Variants in ADAMTS2 observed in about 807,000 individuals in gnomAD.
ADAMTS2 encodes the protein ADAM metallopeptidase with thrombospondin type 1 motif 2.
A neutral mutation model predicts 123.0 loss-of-function variants in ADAMTS2; 50 were observed. The observed-to-expected ratio is 0.41, with a 90% CI of 0.32 to 0.51. The LOEUF is 0.51. Among genes scored for constraint, ADAMTS2 ranks in the 20% least tolerant of loss-of-function variants. The pLI, the probability that ADAMTS2 is intolerant of heterozygous loss-of-function variation, is 0.35. For missense variants in ADAMTS2, 1,494 were observed against 1,705.2 expected (o/e 0.88, Z 2.18); for synonymous variants, 678 against 695.4 (o/e 0.98, Z 0.39).
At chr5:179,114,471 G>A in intron 21 of ADAMTS2, 147 bp from the exon 22 acceptor site, 1 of 807,504 alleles carries the variant, frequency 1.2e-6, no homozygotes. Context: ...GTCTGTGTGG[G>A]TTCAGTGTCA....
At chr5:179,192,910 A>C (rs1315777027) in intron 4 of ADAMTS2, among the ~76,000 whole-genome samples, 2 of 151,806 alleles carry the variant, frequency 1.3e-5, no homozygotes, top group East Asian at 1.9e-4. Flanking sequence ...GGTGCTCAGT[A>C]CTCCCGTGTT....
intron 2 of ADAMTS2, among the ~76,000 whole-genome samples, chr5:179,331,913 A>G (rs1757495122): frequency 6.6e-6 from 1 of 152,200 alleles, no homozygotes; most frequent in African/African-American, 2.4e-5. Flanking sequence ...GCTCATGCCA[A>G]CTACCTGGGG....
At chr5:179,119,033 G>T (rs1762708408) in intron 21 of ADAMTS2, among the ~76,000 whole-genome samples, 1 of 152,206 alleles carries the variant, frequency 6.6e-6, no homozygotes, top group Admixed American at 6.5e-5. Flanking sequence ...TCATGCAGCT[G>T]GTTAAAAAAG....
Position 179,158,987 on chromosome 5 carries a change from C to T in ADAMTS2, c.976-108G>A. On this transcript the variant is annotated intron_variant, in intron 5 of 21. Transcript: ENST00000251582. This position sits in a 1 kb window ranked among gnomAD's most constrained non-coding sequence, Gnocchi z 5.0. ...AGACCCCATCCACTGGGAATCTGTTCCAGGTGGTACAAAGGCCCTGCCCGG... is the reference window on the plus strand; with the variant it reads ...AGACCCCATCCACTGGGAATCTGTTTCAGGTGGTACAAAGGCCCTGCCCGG... 1.4e-6 allele frequency: 2 copies of T among 1,417,660 alleles called. No homozygotes were observed. The highest frequency in any genetic ancestry group is 1.9e-6 in the Non-Finnish European group (2 of 1,042,166). 87.8% of individuals were successfully genotyped at this position (1,417,660 alleles called of 1,614,324 possible).
rs1004806902 is a variant in ADAMTS2 at position 179,269,402 on chromosome 5, G to A, written c.688+3509C>T. Among the ~76,000 whole-genome samples, 7 of 115,336 alleles carry A rather than the reference G, an allele frequency of 6.1e-5. No homozygotes were observed. In the South Asian group the frequency reaches 7.8e-4, roughly 13 times the overall value. 75.7% of individuals were successfully genotyped at this position (115,336 alleles called of 152,430 possible). On this transcript the variant is annotated intron_variant, in intron 3 of 21. Transcript: ENST00000251582. ...GGACTTACAGTTCCACATGGCTGGG[G>A]AGGCCTCACAATCATGGCAGAAGAT...
chr5:179,203,951 C>T (rs1167510493), intron 4 of ADAMTS2, among the ~76,000 whole-genome samples: 2 of 152,202 alleles, frequency 1.3e-5, no homozygotes, highest in Non-Finnish European at 2.9e-5. Flanking sequence ...ACCGGAGTGC[C>T]CATGGATGGC....
chr5:179,214,666 C>T (rs987862320), intron 3 of ADAMTS2, among the ~76,000 whole-genome samples: 6 of 152,156 alleles, frequency 3.9e-5, no homozygotes, highest in Admixed American at 6.5e-5. Flanking sequence ...GAATGTTCAA[C>T]GACTACACAA....
At chr5:179,207,868 G>A (rs1764743108) in intron 3 of ADAMTS2, among the ~76,000 whole-genome samples, 153 bp from the exon 4 acceptor site, 1 of 152,210 alleles carries the variant, frequency 6.6e-6, no homozygotes, top group Non-Finnish European at 1.5e-5. Context: ...AGGTGCAGAG[G>A]AAGATGGCAG....
chr5:179,246,645 A>G (rs2113461565), intron 3 of ADAMTS2, among the ~76,000 whole-genome samples: 1 of 152,312 alleles, frequency 6.6e-6, no homozygotes, highest in South Asian at 2.1e-4. Flanking sequence ...GGTCTGTACA[A>G]GTAGGAAGTG....
rs1447546613 is a variant in ADAMTS2 at position 179,272,864 on chromosome 5, G to A, written c.688+47C>T. On this transcript the variant is annotated intron_variant, in intron 3 of 21. Coordinates refer to ENST00000251582, the MANE Select transcript of ADAMTS2 (RefSeq NM_014244.5). This position sits in a 1 kb window ranked among gnomAD's most constrained non-coding sequence, Gnocchi z 5.8. ...CTGGGATGCTCCCCTGGGGACCAGG[G>A]CCTCAGAGGGCTCTCCACACAGCCT... The A allele has an allele frequency of 6.3e-7, 1 of 1,591,864 alleles. No homozygotes were observed. Among genetic ancestry groups the A allele is most frequent in the Non-Finnish European group, 8.5e-7 (1 of 1,173,452 alleles).
chr5:179,267,271 C>T (rs1766399920), intron 3 of ADAMTS2, among the ~76,000 whole-genome samples: 1 of 152,212 alleles, frequency 6.6e-6, no homozygotes, highest in Non-Finnish European at 1.5e-5. Flanking sequence ...AGGTGGCAGC[C>T]ACGCTCAGCC....
intron 10 of ADAMTS2, among the ~76,000 whole-genome samples, chr5:179,149,359 C>A (rs1279271569): frequency 6.6e-6 from 1 of 152,238 alleles, no homozygotes. Context: ...GGCTTCCCAG[C>A]CTCCAGGACT....
intron 13 of ADAMTS2, among the ~76,000 whole-genome samples, chr5:179,134,806 CCCGG>C (rs1763026971): frequency 7.9e-6 from 1 of 126,908 alleles, no homozygotes; most frequent in Non-Finnish European, 1.7e-5. Context: ...GCCCCCAGCT[CCCGG>C]CTCCAGCCCC....
intron 2 of ADAMTS2, among the ~76,000 whole-genome samples, chr5:179,316,785 T>C (rs1394942055): frequency 1.3e-5 from 2 of 151,884 alleles, no homozygotes; most frequent in Non-Finnish European, 2.9e-5. Context: ...AAAAATAAAT[T>C]TAAAAAATTA....
intron 3 of ADAMTS2, among the ~76,000 whole-genome samples, chr5:179,257,046 C>A (rs893227601): frequency 1.2e-4 from 18 of 152,228 alleles, no homozygotes; most frequent in African/African-American, 4.1e-4. Flanking sequence ...TGGGGAGCAC[C>A]AAGGACACCA....
In ADAMTS2 at chr5:179,242,470, T is replaced by A. The variant is rs1379973184; in HGVS notation, c.688+30441A>T. ...GGTGAGAGGAGCCCCATGGACACAT[T>A]CCCCTCAGAACAACCATAACTGGTG... On this transcript the variant is annotated intron_variant, in intron 3 of 21. Transcript: ENST00000251582. This position sits in a 1 kb window ranked among gnomAD's most constrained non-coding sequence, Gnocchi z 4.2. Among the ~76,000 whole-genome samples the A allele has an allele frequency of 6.6e-6, 1 of 152,134 alleles. No individual in the cohort carries two copies. The highest frequency in any genetic ancestry group is 1.5e-5 in the Non-Finnish European group (1 of 68,020).
At chr5:179,221,573 G>C (rs1765127141) in intron 3 of ADAMTS2, among the ~76,000 whole-genome samples, 1 of 152,150 alleles carries the variant, frequency 6.6e-6, no homozygotes, top group Admixed American at 6.5e-5. Context: ...GGGTGGAAGG[G>C]TGGTGAGGCC....
At chr5:179,329,082 C>T (rs563198874) in intron 2 of ADAMTS2, among the ~76,000 whole-genome samples, 1 of 152,188 alleles carries the variant, frequency 6.6e-6, no homozygotes, top group Non-Finnish European at 1.5e-5. Context: ...AATCCCAGCA[C>T]TTTGGGAGGC....
intron 1 of ADAMTS2, 131 bp from the exon 2 acceptor site, chr5:179,344,292 A>G: frequency 8.0e-7 from 1 of 1,252,924 alleles, no homozygotes; most frequent in Non-Finnish European, 1.1e-6. Context: ...AGGCGACCCC[A>G]GAAGCCAGCC....
Sources: allele counts gnomAD v4.1 joint callset (sites outside exome capture counted in the v4.1 genomes callset), GRCh38; gene constraint gnomAD v4.1.1; non-coding constraint Gnocchi (gnomAD v3.1); transcripts MANE v1.5; gene names NCBI Gene and HGNC (gene_info 2026-07-23, HGNC 2026-07-21).